Variants in CROCC observed in about 807,000 individuals in gnomAD.
The protein encoded by CROCC is ciliary rootlet coiled-coil, rootletin.
Under a neutral mutation model 245.2 loss-of-function variants are expected in CROCC, and 180 were observed. The ratio of observed to expected loss-of-function variants is 0.73; its 90% CI spans 0.65 to 0.83. The LOEUF is 0.83. Ranked by LOEUF, CROCC falls within the 40% of genes least tolerant of loss-of-function variation. CROCC has a pLI of 0.00. For missense variants in CROCC, 2,688 were observed against 2,779.4 expected (o/e 0.97, Z 0.74); for synonymous variants, 1,205 against 1,241.6 (o/e 0.97, Z 0.62).
intron 24 of CROCC, 125 bp from the exon 25 acceptor site, chr1:16,955,872 C>T: frequency 8.0e-7 from 1 of 1,253,816 alleles, no homozygotes; most frequent in Non-Finnish European, 1.1e-6. Context: ...GGGCTTAGCT[C>T]TTCAGAGAGG....
At position 16,924,484 on chromosome 1, in the gene CROCC, GT is replaced by G; in HGVS notation, c.351+6del. On this transcript the variant is annotated splice_donor_region_variant and intron_variant, in intron 3 of 36. Coordinates refer to ENST00000375541, the MANE Select transcript of CROCC (RefSeq NM_014675.5). ...TACAATGCGGTCAGCGAGAGGGTGG[GT>G]GCCGCCCAGGTGGTGGACTAGGCCA... 1 of 1,610,460 alleles carries G rather than the reference GT, an allele frequency of 6.2e-7. No homozygotes were observed. Among genetic ancestry groups the G allele is most frequent in the Non-Finnish European group, 8.5e-7 (1 of 1,177,510 alleles).
intron 25 of CROCC, among the ~76,000 whole-genome samples, chr1:16,956,944 C>A (rs2076258459): frequency 6.6e-6 from 1 of 152,190 alleles, no homozygotes; most frequent in South Asian, 2.1e-4. Flanking sequence ...AGGAAATGGC[C>A]TCATTCAGCC....
Position 16,955,989 on chromosome 1 carries a change from C to G in CROCC, c.3705-8C>G. ...CCCAGGGCAGCCCCTGACCTCTGCC[C>G]TCTCCAGCCTGAAGCTTGCCAATGA... On this transcript the variant is annotated splice_polypyrimidine_tract_variant and splice_region_variant and intron_variant, in intron 24 of 36. Coordinates refer to ENST00000375541, the MANE Select transcript of CROCC (RefSeq NM_014675.5). 6.5e-7 allele frequency: 1 copy of G among 1,549,894 alleles called. No homozygotes were observed. The highest frequency in any genetic ancestry group is 1.2e-5 in the South Asian group (1 of 84,024).
intron 3 of CROCC, among the ~76,000 whole-genome samples, chr1:16,929,114 A>G (rs1287496245): frequency 6.6e-6 from 1 of 152,296 alleles, no homozygotes; most frequent in African/African-American, 2.4e-5. Flanking sequence ...GGCATGAGCC[A>G]CTGCACCCAG....
chr1:16,955,588 G>C, intron 24 of CROCC, 38 bp downstream of exon 24: 1 of 1,449,806 alleles, frequency 6.9e-7, no homozygotes, highest in Non-Finnish European at 9.1e-7. Context: ...GAGTCCTCAT[G>C]GGATCCCATC....
At chr1:16,928,696 G>C (rs1570596381) in intron 3 of CROCC, among the ~76,000 whole-genome samples, 3 of 151,960 alleles carry the variant, frequency 2.0e-5, no homozygotes, top group Admixed American at 6.5e-5. Context: ...CCAGCTACTT[G>C]GGAGACTGAG....
Position 16,954,862 on chromosome 1 carries a change from C to G in CROCC, c.3450C>G (p.Asp1150Glu). 6.5e-7 allele frequency: 1 copy of G among 1,535,342 alleles called. No homozygotes were observed. Among genetic ancestry groups the G allele is most frequent in the Non-Finnish European group, 8.8e-7 (1 of 1,134,456 alleles). Residue 1150 changes from aspartate to glutamate, a missense_variant, in exon 23 of 37, where the codon GAC (aspartate) becomes GAG (glutamate). Physicochemically the swap from Asp to Glu is conservative, Grantham distance 45 (BLOSUM62 2). Around this residue, in one of 9 missense-constraint regions of CROCC, gnomAD observed 1,218 missense variants for 1,286.3 expected, o/e 0.95. Transcript: ENST00000375541. This position sits in a 1 kb window ranked among gnomAD's most constrained non-coding sequence, Gnocchi z 4.4. ...CCCGAGACCTGGGCAAGCAGCGGGA[C>G]TCCTGTCTTCGCGAGGTGAGCAGCC... is the stretch of plus-strand genomic sequence containing the variant. ...EQARDLGKQR[D>E]SCLREAEELR...
rs368543331 is a variant in CROCC, at chr1:16,969,929, C to T, written c.5446C>T (p.Arg1816Trp). The change falls in exon 33 of 37, where the codon CGG becomes TGG. Residue 1816 changes from arginine (R) to tryptophan (W), a missense_variant. Arg to Trp is a moderately radical substitution (Grantham distance 101). Coordinates refer to ENST00000375541, the MANE Select transcript of CROCC (RefSeq NM_014675.5). ...GGCCGAGGGCCAGCTACAACAGCTA[C>T]GGGAGGTGAGGGCCAGGGTGTGCCC... ...VEAEGQLQQL[R>W]EVLRQRQEGE... is the part of the protein sequence containing the mutation. 40 of 1,592,376 alleles carry T rather than the reference C, an allele frequency of 2.5e-5. No individual in the cohort carries two copies. The highest frequency in any genetic ancestry group is 3.2e-5 in the Non-Finnish European group (37 of 1,168,928).
chr1:16,923,096 G>A (rs1277801714), intron 2 of CROCC, among the ~76,000 whole-genome samples: 1 of 152,298 alleles, frequency 6.6e-6, no homozygotes, highest in Non-Finnish European at 1.5e-5. Flanking sequence ...CCCGGGGAAG[G>A]TGTGAGCTGG....
At chr1:16,932,108 A>C (rs1413453966) in intron 8 of CROCC, among the ~76,000 whole-genome samples, 1 of 152,240 alleles carries the variant, frequency 6.6e-6, no homozygotes, top group Non-Finnish European at 1.5e-5. Context: ...CAGCTTTGCT[A>C]CCAAGGACCT....
Position 16,938,496 on chromosome 1 carries a change from A to G in CROCC, c.1374+13A>G, listed in dbSNP as rs1245663336. On this transcript the variant is annotated intron_variant, in intron 11 of 36. Transcript: ENST00000375541. ...GGACCTGGCACAGGTGTGAGCCCAG[A>G]GAGGCGGGAAGACAGCGCCCTGCCA... 6.4e-7 allele frequency: 1 copy of G among 1,555,974 alleles called. No homozygotes were observed. Among genetic ancestry groups the G allele is most frequent in the Non-Finnish European group, 8.7e-7 (1 of 1,150,036 alleles).
chr1:16,970,817 C>T, intron 35 of CROCC, 50 bp downstream of exon 35: 3 of 1,497,534 alleles, frequency 2.0e-6, no homozygotes, highest in Non-Finnish European at 2.7e-6. Flanking sequence ...AGTATGAGTG[C>T]TCAGCAATTC....
At position 16,954,504 on chromosome 1, in the gene CROCC, C is replaced by T. The variant is rs1570682720; in HGVS notation, c.3321+147C>T. On this transcript the variant is annotated intron_variant, in intron 22 of 36. Coordinates refer to ENST00000375541, the MANE Select transcript of CROCC (RefSeq NM_014675.5). The surrounding 1 kb of genome is among the most constrained non-coding windows in gnomAD (Gnocchi z 4.4). ...GTTTAGCCCTTCTTTTGGGAGCCCCCATCTGAGGGAGGTGGCTCAGCCCTG... is the reference window on the plus strand; with the variant it reads ...GTTTAGCCCTTCTTTTGGGAGCCCCTATCTGAGGGAGGTGGCTCAGCCCTG... The T allele has an allele frequency of 1.6e-6, 2 of 1,271,804 alleles. No individual in the cohort carries two copies. The highest frequency in any genetic ancestry group is 5.1e-5 in the East Asian group (2 of 39,276). 78.8% of individuals were successfully genotyped at this position (1,271,804 alleles called of 1,614,324 possible).
intron 10 of CROCC, among the ~76,000 whole-genome samples, chr1:16,938,118 G>T (rs1184470200): frequency 2.0e-5 from 3 of 152,276 alleles, no homozygotes; most frequent in African/African-American, 7.2e-5. Context: ...CTCCCCCAGG[G>T]TACAGCCTGG....
intron 2 of CROCC, among the ~76,000 whole-genome samples, chr1:16,923,674 C>CTTTTTTTTTTTTTTT: frequency 9.7e-6 from 1 of 103,498 alleles, no homozygotes; most frequent in Middle Eastern, 5.5e-3. Context: ...ACTATTCTAC[C>CTTTTTTTTTTTTTTT]TTTTTTTTTT....
chr1:16,921,887 T>C (rs1458114198), upstream of CROCC: 21 of 945,562 alleles, frequency 2.2e-5, no homozygotes, highest in Non-Finnish European at 3.4e-5. Flanking sequence ...GGTGGTCACA[T>C]GGGGGCGCCG....
In CROCC at chr1:16,927,598, C is replaced by A. The variant is rs559743395; in HGVS notation, c.352-2248C>A. Among the ~76,000 whole-genome samples, 93 of 152,364 alleles carry A rather than the reference C, an allele frequency of 6.1e-4. No individual in the cohort carries two copies. The South Asian group carries it at 0.018, about 30-fold the overall frequency. On this transcript the variant is annotated intron_variant, in intron 3 of 36. Coordinates refer to ENST00000375541, the MANE Select transcript of CROCC (RefSeq NM_014675.5). The stretch of plus-strand genomic sequence containing the variant: ...GGAAGGCTCAGATGCACCAAACAGT[C>A]GACGTGAACTCAGCACCCACACACT...
At chr1:16,929,724 G>T (rs1487789166) in intron 3 of CROCC, 122 bp from the exon 4 acceptor site, 10 of 1,423,390 alleles carry the variant, frequency 7.0e-6, no homozygotes, top group Middle Eastern at 5.2e-4. Flanking sequence ...CTGCTCCCCA[G>T]GGCGCCAGGC....
chr1:16,948,154 C>T (rs1384943389), intron 17 of CROCC, among the ~76,000 whole-genome samples, 177 bp from the exon 18 acceptor site: 3 of 152,398 alleles, frequency 2.0e-5, no homozygotes, highest in Middle Eastern at 3.4e-3. Context: ...TACACACGTG[C>T]ATTGCAGATC....
Sources: allele counts gnomAD v4.1 joint callset (sites outside exome capture counted in the v4.1 genomes callset), GRCh38; gene constraint gnomAD v4.1.1; regional missense constraint gnomAD v4.1.1; non-coding constraint Gnocchi (gnomAD v3.1); transcripts MANE v1.5; gene names NCBI Gene and HGNC (gene_info 2026-07-23, HGNC 2026-07-21).